ASXL2: variants seen among roughly 807,000 people sequenced by gnomAD.
The protein encoded by ASXL2 is putative Polycomb group protein ASXL2.
In ASXL2, 23 loss-of-function variants were observed where a neutral mutation model predicts 122.0. The ratio of observed to expected loss-of-function variants is 0.19; its 90% CI spans 0.14 to 0.27. The LOEUF (loss-of-function observed/expected upper bound fraction) is 0.27, where lower values mean the gene tolerates loss of function less well. Among genes scored for constraint, ASXL2 ranks in the 10% least tolerant of loss-of-function variants. The pLI is 1.00. For synonymous variants in ASXL2, 650 were observed against 637.0 expected (o/e 1.02, Z -0.31); for missense variants, 1,518 against 1,713.8 (o/e 0.89, Z 2.02).
intron 3 of ASXL2, among the ~76,000 whole-genome samples, chr2:25,832,071 A>C (rs1400940249): frequency 6.6e-6 from 1 of 152,252 alleles, no homozygotes; most frequent in Non-Finnish European, 1.5e-5. Context: ...GACTAAAGGA[A>C]GTCATTCAAT....
At chr2:25,810,180 A>C (rs1288430107) in intron 3 of ASXL2, 1 of 576,672 alleles carries the variant, frequency 1.7e-6, no homozygotes, top group Non-Finnish European at 3.4e-6. Context: ...ATGGTCCATC[A>C]GTCTCATCTG....
Position 25,845,488 on chromosome 2 carries a change from CT to C in ASXL2, c.132del (p.Glu45LysfsTer12). 2 of 1,477,530 alleles carry C rather than the reference CT, an allele frequency of 1.4e-6. No homozygotes were observed. The highest frequency in any genetic ancestry group is 1.8e-6 in the Non-Finnish European group (2 of 1,103,922). 91.5% of individuals were successfully genotyped at this position (1,477,530 alleles called of 1,614,324 possible). On this transcript the variant is annotated frameshift_variant, in exon 2 of 13. Transcript: ENST00000435504. LOFTEE classifies it high-confidence loss of function. ...AATATTTAAATAACTCACCTGATTT[CT>C]TTTAGTCCTTCTCTCTGGATAACTT... ...ILQVIQREGLKEIRSGTSPLA... is the reference protein window; with the variant it reads ...ILQVIQREGLXEIRSGTSPLA...
intron 1 of ASXL2, among the ~76,000 whole-genome samples, chr2:25,860,520 C>T (rs1375409970): frequency 6.6e-6 from 1 of 151,432 alleles, no homozygotes; most frequent in Non-Finnish European, 1.5e-5. Context: ...CCGGACCAGC[C>T]TGGCCAACAT....
intron 12 of ASXL2, among the ~76,000 whole-genome samples, chr2:25,745,045 T>G (rs1389047308): frequency 6.6e-6 from 1 of 151,826 alleles, no homozygotes; most frequent in African/African-American, 2.4e-5. Context: ...CAATGTGTGA[T>G]CTATAGGAGC....
At chr2:25,847,708 G>A (rs754279540) in intron 1 of ASXL2, among the ~76,000 whole-genome samples, 1 of 152,068 alleles carries the variant, frequency 6.6e-6, no homozygotes, top group Admixed American at 6.6e-5. Flanking sequence ...GTTCACAAAA[G>A]GGTTAATATA....
At chr2:25,752,722 C>T (rs1222751328) in intron 11 of ASXL2, among the ~76,000 whole-genome samples, 1 of 151,924 alleles carries the variant, frequency 6.6e-6, no homozygotes, top group Non-Finnish European at 1.5e-5. Context: ...TGGTACACGC[C>T]TGTAATCCCA....
At position 25,743,812 on chromosome 2, in the gene ASXL2, G is replaced by A. The variant is rs1574390662; in HGVS notation, c.2525C>T (p.Ser842Leu). ...APSPTGPALI[S>L]GASPVHCAAD... Reference sequence around the variant, plus strand: ...TGCACAATGAACAGGTGAGGCACCTGAGATTAGAGCAGGACCTGTTGGAGA... The same window carrying A: ...TGCACAATGAACAGGTGAGGCACCTAAGATTAGAGCAGGACCTGTTGGAGA... The change falls in exon 13 of 13, where the codon TCA (serine) becomes TTA (leucine). Residue 842 changes from serine (S) to leucine (L), a missense_variant. This residue lies in a region of ASXL2 where 831 missense variants were observed against 833.1 expected (regional missense o/e 1.00). Transcript: ENST00000435504. 2.5e-6 allele frequency: 4 copies of A among 1,614,032 alleles called. No individual in the cohort carries two copies. Among genetic ancestry groups the A allele is most frequent in the East Asian group, 2.2e-5 (1 of 44,886 alleles).
chr2:25,842,346 A>G (rs912090813), intron 2 of ASXL2, among the ~76,000 whole-genome samples: 1 of 152,236 alleles, frequency 6.6e-6, no homozygotes, highest in African/African-American at 2.4e-5. Context: ...AATATAGTTT[A>G]ACCAGGAAAA....
intron 3 of ASXL2, among the ~76,000 whole-genome samples, chr2:25,828,576 A>T (rs890439357): frequency 1.1e-4 from 17 of 151,002 alleles, no homozygotes; most frequent in Non-Finnish European, 7.4e-5. Context: ...CTGTAATCCC[A>T]GCACCTTGGG....
rs375604753 is a variant in ASXL2, at chr2:25,744,429, G to C, written c.1908C>G (p.Val636=). 1.9e-5 allele frequency: 30 copies of C among 1,612,418 alleles called. No individual in the cohort carries two copies. The highest frequency in any genetic ancestry group is 2.7e-5 in the African/African-American group (2 of 74,812). ...AGACTGGAAAACGAGCCCTGGGAGA[G>C]ACCTGCGATGGATGAAACGGCATGG... is the stretch of plus-strand genomic sequence containing the variant. The part of the protein sequence containing the change: ...ISPMPFHPSQ[V]SPRARFPVSI... The change falls in exon 13 of 13, where the codon GTC becomes GTG. Residue 636 remains valine, a synonymous_variant. Transcript: ENST00000435504. The surrounding 1 kb of genome is among the most constrained non-coding windows in gnomAD (Gnocchi z 4.7).
rs1040470481 is a variant in ASXL2, at chr2:25,736,554, G to C, written c.*5475C>G. Reference sequence around the variant, plus strand: ...GATCTAGACTGCTGTTCTCTTGGAAGGCTGAATTATCTCCAACGTCTTGGG... The same window carrying C: ...GATCTAGACTGCTGTTCTCTTGGAACGCTGAATTATCTCCAACGTCTTGGG... On this transcript the variant is annotated 3_prime_UTR_variant, in exon 13 of 13. Transcript: ENST00000435504. The C allele has an allele frequency of 2.0e-5, 3 of 151,958 alleles. No individual in the cohort carries two copies. The highest frequency in any genetic ancestry group is 4.4e-5 in the Non-Finnish European group (3 of 68,008). The allele number at this position is 151,958 out of a possible 1,614,324, so 9.4% of individuals were successfully genotyped here.
rs1445282412 is a variant in ASXL2 at position 25,810,489 on chromosome 2, G to A, written c.144-4152C>T. ...AGTCCAGCTCCTCTTCAACCAGCTG[G>A]ATCCTATGGTTCAAGGAGGCCACCT... On this transcript the variant is annotated intron_variant, in intron 3 of 12. Coordinates refer to ENST00000435504, the MANE Select transcript of ASXL2 (RefSeq NM_018263.6). The A allele has an allele frequency of 2.4e-5, 18 of 742,196 alleles. No individual in the cohort carries two copies. In the East Asian group the frequency reaches 2.8e-4, roughly 12 times the overall value. The allele number at this position is 742,196 out of a possible 1,614,324, so 46.0% of individuals were successfully genotyped here. A position where few individuals can be genotyped will look rare whatever the true frequency, so the allele number is the denominator to read the frequency against.
chr2:25,792,263 A>T (rs540138654), intron 5 of ASXL2, among the ~76,000 whole-genome samples: 1 of 152,172 alleles, frequency 6.6e-6, no homozygotes, highest in Non-Finnish European at 1.5e-5. Flanking sequence ...TGGCCTCCCA[A>T]AGTGCTGGGA....
chr2:25,859,873 T>C (rs10204883), intron 1 of ASXL2, among the ~76,000 whole-genome samples: 3,533 of 152,236 alleles, frequency 0.023, 138 homozygotes, highest in African/African-American at 0.077. Flanking sequence ...ATGGGTCAAA[T>C]AAGAAATCTC....
At chr2:25,827,898 T>C (rs1277677328) in intron 3 of ASXL2, among the ~76,000 whole-genome samples, 1 of 152,162 alleles carries the variant, frequency 6.6e-6, no homozygotes, top group Non-Finnish European at 1.5e-5. Context: ...TGGAAATTTT[T>C]TGTTGTTGTT....
rs180725817 is a variant in ASXL2 at position 25,875,303 on chromosome 2, A to G, written c.57+2863T>C. 8.1e-4 allele frequency among the ~76,000 whole-genome samples: 123 copies of G among 152,056 alleles called. No homozygotes were observed. The Middle Eastern group carries it at 0.01, about 13-fold the overall frequency. ...TATCAGCCTTTTGGCATAATCTACT[A>G]TTATATAATAATTATGAAGCCAAGC... is the stretch of plus-strand genomic sequence containing the variant. On this transcript the variant is annotated intron_variant, in intron 1 of 12. Coordinates refer to ENST00000435504, the MANE Select transcript of ASXL2 (RefSeq NM_018263.6).
In ASXL2 at chr2:25,878,237, T is replaced by G. The variant is rs746930099; in HGVS notation, c.-15A>C. ...TTTTCCCTCATGTCGGGTCTTGAAC[T>G]GACTGGGAGGCTCCCGTGTCCGGGC... On this transcript the variant is annotated 5_prime_UTR_variant, in exon 1 of 13. Coordinates refer to ENST00000435504, the MANE Select transcript of ASXL2 (RefSeq NM_018263.6). The G allele has an allele frequency of 6.2e-7, 1 of 1,613,418 alleles. No homozygotes were observed. The highest frequency in any genetic ancestry group is 1.7e-5 in the Admixed American group (1 of 59,994).
chr2:25,865,107 G>A (rs1314385888), intron 1 of ASXL2, among the ~76,000 whole-genome samples: 1 of 151,736 alleles, frequency 6.6e-6, no homozygotes, highest in Non-Finnish European at 1.5e-5. Context: ...ACAGGTGTGA[G>A]CCACCGCACC....
chr2:25,856,363 C>CTGTTTT, intron 1 of ASXL2: 1 of 234,040 alleles, frequency 4.3e-6, no homozygotes. Flanking sequence ...CTGGCCTATA[C>CTGTTTT]TTTTTTTTTT....
Sources: gnomAD v4.1 joint callset for allele counts (sites outside exome capture counted in the v4.1 genomes callset) on GRCh38, gnomAD v4.1.1 for gene constraint, gnomAD v4.1.1 regional missense constraint, Gnocchi (gnomAD v3.1) non-coding constraint, MANE v1.5 for transcripts, NCBI Gene and HGNC (gene_info 2026-07-23, HGNC 2026-07-21) for gene names.